The following CIP2A variants were observed in gnomAD, a reference collection of about 807,000 sequenced individuals.
CIP2A encodes the protein cellular inhibitor of PP2A, also known as protein CIP2A.
CIP2A carries 103 observed loss-of-function variants against 110.9 expected under a neutral mutation model. The ratio of observed to expected loss-of-function variants is 0.93; its 90% CI spans 0.79 to 1.09. The LOEUF (loss-of-function observed/expected upper bound fraction) is 1.09. Ranked by LOEUF, CIP2A falls within the 50% of genes least tolerant of loss-of-function variation. CIP2A has a pLI of 0.00. For missense variants in CIP2A, 1,088 were observed against 1,038.4 expected (o/e 1.05, Z -0.66); for synonymous variants, 381 against 361.6 (o/e 1.05, Z -0.61).
Position 108,557,358 on chromosome 3 carries a change from A to G in CIP2A, c.2070T>C (p.Ser690=), listed in dbSNP as rs769690640. The change falls in exon 17 of 21, where the codon AGT becomes AGC. Residue 690 remains serine, a synonymous_variant. Transcript: ENST00000295746. ...CAACTTGCTGCGCCTTCAGCAACAC[A>G]CTAAGCTCTTCATTTTTTCTCTCAA... The part of the protein sequence containing the change: ...REVERKNEEL[S]VLLKAQQVES... 22 of 1,610,376 alleles carry G rather than the reference A, an allele frequency of 1.4e-5. No homozygotes were observed. The highest frequency in any genetic ancestry group is 1.9e-5 in the Non-Finnish European group (22 of 1,177,748).
At chr3:108,563,473 G>GT (rs1938078177) in intron 12 of CIP2A, among the ~76,000 whole-genome samples, 1 of 151,948 alleles carries the variant, frequency 6.6e-6, no homozygotes, top group Admixed American at 6.6e-5. Flanking sequence ...TCTGGCAAAG[G>GT]TTTTGAATGC....
At chr3:108,579,787 A>T (rs1351100421) in intron 5 of CIP2A, 99 bp from the exon 6 acceptor site, 5 of 560,724 alleles carry the variant, frequency 8.9e-6, no homozygotes, top group Non-Finnish European at 1.2e-5. Context: ...TTTATTAAAC[A>T]TCATTATCAA....
rs2083881231 is a variant in CIP2A at position 108,550,366 on chromosome 3, C to A, written c.*783G>T. ...CAGCAAGAGTAGAATCCAAATTATC[C>A]TTATGTAAATCATAAGAAACTTATA... On this transcript the variant is annotated 3_prime_UTR_variant, in exon 21 of 21. Transcript: ENST00000295746. 6.6e-6 allele frequency: 1 copy of A among 151,180 alleles called. No homozygotes were observed. Among genetic ancestry groups the A allele is most frequent in the Non-Finnish European group, 1.5e-5 (1 of 67,620 alleles). The allele number at this position is 151,180 out of a possible 1,614,324, so 9.4% of individuals were successfully genotyped here.
chr3:108,581,566 C>T, intron 4 of CIP2A, 55 bp from the exon 5 acceptor site: 3 of 1,027,036 alleles, frequency 2.9e-6, no homozygotes, highest in Non-Finnish European at 3.0e-6. Context: ...AGAAAAAAAG[C>T]ATTAACATTA....
In CIP2A at chr3:108,551,105, A is replaced by G. The variant is rs747924111; in HGVS notation, c.*44T>C. ...CACCCCCCCTCCAATAGATAAATAC[A>G]TCAAAAATATCATGAGATTACAAAT... On this transcript the variant is annotated 3_prime_UTR_variant, in exon 21 of 21. Transcript: ENST00000295746. The G allele has an allele frequency of 4.7e-6, 5 of 1,070,570 alleles. No individual in the cohort carries two copies. The South Asian group carries it at 1.1e-4, about 23-fold the overall frequency. 66.3% of individuals were successfully genotyped at this position (1,070,570 alleles called of 1,614,324 possible).
chr3:108,569,480 G>A lies in CIP2A; in HGVS notation c.1022C>T (p.Thr341Ile), dbSNP rs1333946791. The change falls in exon 9 of 21, where the codon ACT becomes ATT. Residue 341 changes from threonine to isoleucine, a missense_variant. Coordinates refer to ENST00000295746, the MANE Select transcript of CIP2A (RefSeq NM_020890.3). ...LGSHTKCLEP[T>I]VALLRWLSQP... ...GCTTAACCAGCGCAGTAGAGCCACA[G>A]TAGGTTCTAAACATTTAGTATGGCT... is the stretch of plus-strand genomic sequence containing the variant. The A allele has an allele frequency of 3.8e-5, 62 of 1,612,626 alleles. No homozygotes were observed. Among genetic ancestry groups the A allele is most frequent in the Non-Finnish European group, 5.3e-5 (62 of 1,179,230 alleles).
At chr3:108,588,849 AG>A (rs1018901049) in intron 1 of CIP2A, among the ~76,000 whole-genome samples, 201 of 152,372 alleles carry the variant, frequency 1.3e-3, no homozygotes, top group African/African-American at 4.7e-3. Flanking sequence ...CCCGAGTTCA[AG>A]TAAGAGCAGT....
chr3:108,560,024 T>C lies in CIP2A; in HGVS notation c.1832A>G (p.Lys611Arg), dbSNP rs141861595. 4.0e-3 allele frequency: 6,327 copies of C among 1,571,728 alleles called. 33 individuals carry two copies. The highest frequency in any genetic ancestry group is 4.2e-3 in the Non-Finnish European group (4,782 of 1,149,882). ...TATTCTCACATCACAAATCTGATCCTTTACCTACATTTTAAGAGTAAAAAA... is the reference window on the plus strand; with the variant it reads ...TATTCTCACATCACAAATCTGATCCCTTACCTACATTTTAAGAGTAAAAAA... The part of the protein sequence containing the change: ...IEKLQSGMVV[K>R]DQICDVRISD... Residue 611 changes from lysine to arginine, a missense_variant, in exon 15 of 21, where the codon AAG becomes AGG. Transcript: ENST00000295746.
intron 11 of CIP2A, among the ~76,000 whole-genome samples, chr3:108,565,973 G>T (rs1938167078): frequency 1.3e-5 from 2 of 151,672 alleles, no homozygotes; most frequent in Non-Finnish European, 3.0e-5. Context: ...CCACTCAGCA[G>T]GTCCTCAGTA....
At chr3:108,573,445 T>A (rs1938464950) in intron 8 of CIP2A, among the ~76,000 whole-genome samples, 1 of 151,954 alleles carries the variant, frequency 6.6e-6, no homozygotes, top group Admixed American at 6.6e-5. Flanking sequence ...AGTTTTAAAT[T>A]TTTATTTATT....
At chr3:108,567,246 C>CT (rs546253602) in intron 10 of CIP2A, among the ~76,000 whole-genome samples, 8,681 of 145,638 alleles carry the variant, frequency 0.06, 295 homozygotes, top group Non-Finnish European at 0.079. Flanking sequence ...CATCGATTTT[C>CT]TTTTTTTTTT....
chr3:108,553,614 A>C (rs770155578), intron 19 of CIP2A, 34 bp downstream of exon 19: 14 of 1,523,972 alleles, frequency 9.2e-6, no homozygotes, highest in Non-Finnish European at 9.8e-6. Flanking sequence ...AATACATTAA[A>C]AATAGAAAAT....
At chr3:108,553,919 A>AAAAAAAAAAAAAAAAAAAAAAAAAAAAAT in intron 18 of CIP2A, among the ~76,000 whole-genome samples, 189 bp from the exon 19 acceptor site, 1 of 141,640 alleles carries the variant, frequency 7.1e-6, no homozygotes, top group Non-Finnish European at 1.5e-5. Flanking sequence ...AAAAAAAAAA[A>AAAAAAAAAAAAAAAAAAAAAAAAAAAAAT]GGTCTCGTTC....
At chr3:108,568,406 T>C (rs1938260639) in intron 9 of CIP2A, 92 bp from the exon 10 acceptor site, 6 of 1,002,534 alleles carry the variant, frequency 6.0e-6, no homozygotes, top group Non-Finnish European at 8.7e-6. Context: ...TCTCTTTAAA[T>C]TTTTTATATT....
intron 8 of CIP2A, among the ~76,000 whole-genome samples, chr3:108,573,789 C>A (rs747795494): frequency 6.6e-6 from 1 of 152,090 alleles, no homozygotes; most frequent in Admixed American, 6.6e-5. Context: ...AACCTTTCTA[C>A]CATCTTTTAG....
chr3:108,575,416 ATATACATG>A (rs137998654), intron 8 of CIP2A, among the ~76,000 whole-genome samples: 30,188 of 148,718 alleles, frequency 0.2, 3,663 homozygotes, highest in East Asian at 0.44. Context: ...GTATGTATAC[ATATACATG>A]TATACATACA....
chr3:108,566,396 T>G, intron 11 of CIP2A, 101 bp downstream of exon 11: 2 of 870,696 alleles, frequency 2.3e-6, no homozygotes, highest in Non-Finnish European at 3.6e-6. Flanking sequence ...TGTTATATCT[T>G]AAGTTATAAC....
intron 8 of CIP2A, among the ~76,000 whole-genome samples, chr3:108,571,448 G>A (rs1219501298): frequency 6.6e-6 from 1 of 152,140 alleles, no homozygotes; most frequent in Non-Finnish European, 1.5e-5. Context: ...ATGTCATTAT[G>A]TAATGCATGA....
intron 13 of CIP2A, among the ~76,000 whole-genome samples, chr3:108,562,050 C>A (rs574347457): frequency 2.0e-5 from 3 of 152,112 alleles, no homozygotes; most frequent in Admixed American, 6.6e-5. Flanking sequence ...TGAAAAGCTT[C>A]CTGTGTATTT....
Sources: gnomAD v4.1 joint callset for allele counts (sites outside exome capture counted in the v4.1 genomes callset) on GRCh38, gnomAD v4.1.1 for gene constraint, MANE v1.5 for transcripts, NCBI Gene and HGNC (gene_info 2026-07-23, HGNC 2026-07-21) for gene names.